LRRC28: variants seen among roughly 807,000 people sequenced by gnomAD.
LRRC28 encodes the protein leucine-rich repeat-containing protein 28.
LRRC28 carries 39 observed loss-of-function variants against 45.7 expected under a neutral mutation model. That is an observed-to-expected ratio of 0.85 (90% CI 0.66 to 1.12). LRRC28 has a LOEUF of 1.12. LRRC28 is among the 50% of genes most tolerant of loss of function. LRRC28 has a pLI of 0.00. For synonymous variants in LRRC28, 206 were observed against 178.8 expected, an observed-to-expected ratio of 1.15 and a Z score of -1.22; for missense variants, 435 against 438.5, an observed-to-expected ratio of 0.99 and a Z score of 0.07.
At chr15:99,258,465 G>T in intron 2 of LRRC28, 1 of 810,058 alleles carries the variant, frequency 1.2e-6, no homozygotes, top group South Asian at 1.4e-5. Flanking sequence ...TTTATGTATG[G>T]AGCAGCAAGA....
chr15:99,311,320 T>C (rs1955401474), intron 5 of LRRC28, among the ~76,000 whole-genome samples: 1 of 149,242 alleles, frequency 6.7e-6, no homozygotes, highest in African/African-American at 2.6e-5. Flanking sequence ...GTTAAGTACT[T>C]CTTTCGTTGC....
intron 9 of LRRC28, among the ~76,000 whole-genome samples, chr15:99,376,089 A>G (rs1957622611): frequency 6.6e-6 from 1 of 152,152 alleles, no homozygotes; most frequent in South Asian, 2.1e-4. Flanking sequence ...GTAAGCATTT[A>G]GTACTATAAA....
rs1372596488 is a variant in LRRC28, at chr15:99,352,362, A to G, written c.593-7A>G. 6.2e-7 allele frequency: 1 copy of G among 1,602,980 alleles called. No homozygotes were observed. The highest frequency in any genetic ancestry group is 8.5e-7 in the Non-Finnish European group (1 of 1,171,746). On this transcript the variant is annotated splice_region_variant and splice_polypyrimidine_tract_variant and intron_variant, in intron 6 of 9. Coordinates refer to ENST00000301981, the MANE Select transcript of LRRC28 (RefSeq NM_144598.5). Reference sequence around the variant, plus strand: ...TAGGAATTACAGCACTTTTCTTTCTAATCCAGATTTAGGTCGATCTCGAGA... The same window carrying G: ...TAGGAATTACAGCACTTTTCTTTCTGATCCAGATTTAGGTCGATCTCGAGA...
intron 5 of LRRC28, among the ~76,000 whole-genome samples, chr15:99,322,903 A>G (rs140367080): frequency 4.6e-5 from 7 of 152,340 alleles, no homozygotes; most frequent in East Asian, 3.9e-4. Flanking sequence ...GAACCAGGCT[A>G]CTGAGTTAGC....
chr15:99,363,045 A>T, intron 8 of LRRC28, 61 bp from the exon 9 acceptor site: 1 of 1,515,704 alleles, frequency 6.6e-7, no homozygotes, highest in Non-Finnish European at 8.9e-7. Context: ...TATTTTAAGA[A>T]GCGTAGTTTA....
chr15:99,275,130 A>G (rs2081583410), intron 2 of LRRC28, among the ~76,000 whole-genome samples: 1 of 152,226 alleles, frequency 6.6e-6, no homozygotes, highest in Admixed American at 6.5e-5. Flanking sequence ...ATATGTATAT[A>G]TATGCCTATA....
chr15:99,369,348 A>C (rs754349756), intron 9 of LRRC28, among the ~76,000 whole-genome samples: 33 of 152,072 alleles, frequency 2.2e-4, no homozygotes, highest in Middle Eastern at 3.2e-3. Flanking sequence ...GCAGCATCCC[A>C]CTTCCTGATA....
At chr15:99,307,995 C>T (rs1274560788) in intron 5 of LRRC28, among the ~76,000 whole-genome samples, 1 of 152,082 alleles carries the variant, frequency 6.6e-6, no homozygotes, top group African/African-American at 2.4e-5. Context: ...AACGAGGCGC[C>T]GACAACAAAA....
At chr15:99,325,514 G>A (rs1164027434) in intron 5 of LRRC28, among the ~76,000 whole-genome samples, 2 of 152,144 alleles carry the variant, frequency 1.3e-5, no homozygotes, top group Non-Finnish European at 2.9e-5. Context: ...AGGCACAAGG[G>A]GGATTTAAGG....
intron 2 of LRRC28, among the ~76,000 whole-genome samples, chr15:99,262,208 G>T (rs1229015271): frequency 1.3e-5 from 2 of 151,790 alleles, no homozygotes; most frequent in African/African-American, 2.4e-5. Context: ...GTACATTCTT[G>T]TATGTATGTG....
chr15:99,315,074 GT>G (rs1034458743), intron 5 of LRRC28, among the ~76,000 whole-genome samples: 1 of 151,872 alleles, frequency 6.6e-6, no homozygotes, highest in African/African-American at 2.4e-5. Flanking sequence ...GCTAGAAAAT[GT>G]TTTTCATAGA....
At chr15:99,323,734 G>A (rs1597345997) in intron 5 of LRRC28, among the ~76,000 whole-genome samples, 1 of 152,150 alleles carries the variant, frequency 6.6e-6, no homozygotes, top group African/African-American at 2.4e-5. Flanking sequence ...TTTGTAGTAT[G>A]AACTGAAAAA....
intron 2 of LRRC28, among the ~76,000 whole-genome samples, chr15:99,261,052 A>G (rs977825731): frequency 4.6e-5 from 7 of 152,078 alleles, no homozygotes; most frequent in Non-Finnish European, 1.0e-4. Flanking sequence ...TGTCGCTAAT[A>G]CTCAACCTCT....
At chr15:99,367,069 A>G (rs1334030703) in intron 9 of LRRC28, among the ~76,000 whole-genome samples, 1 of 152,136 alleles carries the variant, frequency 6.6e-6, no homozygotes, top group East Asian at 1.9e-4. Context: ...ATCTTACTGG[A>G]GATAGCATTA....
At chr15:99,263,318 C>CA (rs34133374) in intron 2 of LRRC28, among the ~76,000 whole-genome samples, 18,396 of 70,214 alleles carry the variant, frequency 0.26, 1,652 homozygotes, top group African/African-American at 0.33. Context: ...GACCCTGTCT[C>CA]AAAAAAAAAA....
chr15:99,304,798 G>C (rs192430456), intron 5 of LRRC28, among the ~76,000 whole-genome samples: 8 of 151,952 alleles, frequency 5.3e-5, no homozygotes, highest in Admixed American at 3.3e-4. Context: ...CAAGAATGAG[G>C]GTCTGAAAGA....
At chr15:99,356,379 G>C (rs569409252) in intron 7 of LRRC28, among the ~76,000 whole-genome samples, 17 of 152,236 alleles carry the variant, frequency 1.1e-4, no homozygotes, top group African/African-American at 4.1e-4. Flanking sequence ...GGAAATTCTA[G>C]AATTGAAAAC....
intron 5 of LRRC28, among the ~76,000 whole-genome samples, chr15:99,288,610 G>A (rs936286117): frequency 2.0e-5 from 3 of 151,986 alleles, no homozygotes; most frequent in African/African-American, 7.2e-5. Flanking sequence ...TCAATCTCCT[G>A]ACCTTGTGAT....
chr15:99,343,790 A>C (rs1956594760), intron 6 of LRRC28, among the ~76,000 whole-genome samples: 1 of 152,228 alleles, frequency 6.6e-6, no homozygotes, highest in Non-Finnish European at 1.5e-5. Flanking sequence ...AAAGTTAATT[A>C]TTGAGTGAAG....
Sources: gnomAD v4.1 joint callset for allele counts (sites outside exome capture counted in the v4.1 genomes callset) on GRCh38, gnomAD v4.1.1 for gene constraint, MANE v1.5 for transcripts, NCBI Gene and HGNC (gene_info 2026-07-23, HGNC 2026-07-21) for gene names.